The following ITPKB variants were observed in gnomAD, a reference collection of about 807,000 sequenced individuals.
The protein encoded by ITPKB is IP3 3-kinase B.
In ITPKB, 13 loss-of-function variants were observed where a neutral mutation model predicts 69.4. The ratio of observed to expected loss-of-function variants is 0.19; its 90% confidence interval spans 0.12 to 0.30. ITPKB has a LOEUF of 0.30. ITPKB is among the 10% of genes least tolerant of loss of function. The pLI is 1.00. For synonymous variants in ITPKB, 584 were observed against 513.7 expected, an observed-to-expected ratio of 1.14 and a Z score of -1.85; for missense variants, 1,240 against 1,250.5, an observed-to-expected ratio of 0.99 and a Z score of 0.13.
intron 2 of ITPKB, among the ~76,000 whole-genome samples, chr1:226,708,226 T>C (rs1656859342): frequency 6.6e-6 from 1 of 152,266 alleles, no homozygotes. Context: ...ATCATTCATT[T>C]AGTCGTGGTT....
chr1:226,634,249 CG>C lies in ITPKB; in HGVS notation c.*421del, dbSNP rs1558297629. ...CCTGGGCTCTCCGGTGGGGAGGCCC[CG>C]GCAGAAATAAGGCTGTGCTTGGCAG... On this transcript the variant is annotated 3_prime_UTR_variant, in exon 8 of 8. Transcript: ENST00000429204. The surrounding 1 kb of genome is among the most constrained non-coding windows in gnomAD (Gnocchi z 6.3). The C allele has an allele frequency of 1.3e-5, 2 of 158,772 alleles. No homozygotes were observed. The highest frequency in any genetic ancestry group is 4.8e-5 in the African/African-American group (2 of 41,584). The allele number at this position is 158,772 out of a possible 1,614,324, so 9.8% of individuals were successfully genotyped here. A position where few individuals can be genotyped will look rare whatever the true frequency, so the allele number is the denominator to read the frequency against.
chr1:226,667,588 C>A (rs1669527867), intron 2 of ITPKB, among the ~76,000 whole-genome samples: 1 of 152,106 alleles, frequency 6.6e-6, no homozygotes, highest in Non-Finnish European at 1.5e-5. Flanking sequence ...AGGCAGGTAA[C>A]CTGGGCTGGC....
intron 2 of ITPKB, among the ~76,000 whole-genome samples, chr1:226,670,536 T>A (rs1323681621): frequency 6.6e-6 from 1 of 152,230 alleles, no homozygotes; most frequent in East Asian, 1.9e-4. Flanking sequence ...GATGGATCGT[T>A]CAGTCCTTAA....
At chr1:226,723,884 C>T (rs1277869479) in intron 2 of ITPKB, among the ~76,000 whole-genome samples, 1 of 152,144 alleles carries the variant, frequency 6.6e-6, no homozygotes, top group Non-Finnish European at 1.5e-5. Context: ...GAGGCCTCTC[C>T]TGCAACTAAA....
Position 226,735,569 on chromosome 1 carries a change from G to C in ITPKB, c.1890C>G (p.Asn630Lys), listed in dbSNP as rs868481435. 6.4e-7 allele frequency: 1 copy of C among 1,560,500 alleles called. No individual in the cohort carries two copies. Among genetic ancestry groups the C allele is most frequent in the Non-Finnish European group, 8.7e-7 (1 of 1,153,278 alleles). Reference sequence around the variant, plus strand: ...GGTCCAGGGTATGCAGGAAGGCTGAGTTGGGGTCCAGGGTGCGCTCAGGGT... The same window carrying C: ...GGTCCAGGGTATGCAGGAAGGCTGACTTGGGGTCCAGGGTGCGCTCAGGGT... ...SSDPERTLDP[N>K]SAFLHTLDQQ... The change falls in exon 2 of 8, where the codon AAC becomes AAG. Residue 630 changes from asparagine (N) to lysine (K), a missense_variant. By Grantham distance (94) the Asn-to-Lys change is moderately conservative. Transcript: ENST00000429204.
At chr1:226,710,596 A>G (rs1656923384) in intron 2 of ITPKB, among the ~76,000 whole-genome samples, 1 of 152,242 alleles carries the variant, frequency 6.6e-6, no homozygotes, top group Non-Finnish European at 1.5e-5. Context: ...GGCCAGGAGC[A>G]GAGAGGTCCC....
intron 5 of ITPKB, 30 bp from the exon 6 acceptor site, chr1:226,639,688 G>T: frequency 7.0e-7 from 1 of 1,437,590 alleles, no homozygotes; most frequent in Non-Finnish European, 9.8e-7. Flanking sequence ...ACCCAGGAGG[G>T]GGTCAGCAGG....
chr1:226,651,225 T>C (rs886127163), intron 2 of ITPKB, among the ~76,000 whole-genome samples: 5 of 152,082 alleles, frequency 3.3e-5, no homozygotes, highest in African/African-American at 1.2e-4. Flanking sequence ...AGACCTGCTA[T>C]GGGCATGGGG....
intron 2 of ITPKB, among the ~76,000 whole-genome samples, chr1:226,682,929 C>T (rs187155130): frequency 6.6e-6 from 1 of 152,290 alleles, no homozygotes; most frequent in East Asian, 1.9e-4. Context: ...CCACGTTCTA[C>T]CTACCAAAGT....
At chr1:226,678,244 AT>A (rs1356052568) in intron 2 of ITPKB, among the ~76,000 whole-genome samples, 1 of 152,224 alleles carries the variant, frequency 6.6e-6, no homozygotes, top group Non-Finnish European at 1.5e-5. Context: ...ACCAAATAAC[AT>A]TTGGTTATTA....
intron 4 of ITPKB, among the ~76,000 whole-genome samples, chr1:226,644,286 T>G (rs929973972): frequency 6.6e-6 from 1 of 152,030 alleles, no homozygotes; most frequent in Non-Finnish European, 1.5e-5. Context: ...CTCCCCACAC[T>G]CCCCTGCCTG....
chr1:226,707,024 G>A (rs868667350), intron 2 of ITPKB, among the ~76,000 whole-genome samples: 1 of 152,098 alleles, frequency 6.6e-6, no homozygotes, highest in South Asian at 2.1e-4. Context: ...CATCACTAAG[G>A]GTGGTTGCAT....
intron 6 of ITPKB, among the ~76,000 whole-genome samples, chr1:226,638,541 G>A (rs573487180): frequency 3.3e-5 from 5 of 152,164 alleles, no homozygotes; most frequent in Non-Finnish European, 5.9e-5. Flanking sequence ...CTGTCCCAGG[G>A]AGCCGTGCAC....
chr1:226,701,692 C>T (rs1378544858), intron 2 of ITPKB, among the ~76,000 whole-genome samples: 2 of 151,184 alleles, frequency 1.3e-5, no homozygotes, highest in East Asian at 3.9e-4. Flanking sequence ...GCCATGGAGA[C>T]GCACACAGCA....
At chr1:226,649,848 A>AG (rs1056663567) in intron 2 of ITPKB, among the ~76,000 whole-genome samples, 1 of 144,718 alleles carries the variant, frequency 6.9e-6, no homozygotes, top group African/African-American at 2.6e-5. Context: ...AACAAAACAA[A>AG]AAAACAAAAA....
chr1:226,696,318 C>CGTGTGT (rs58448161), intron 2 of ITPKB, among the ~76,000 whole-genome samples: 80 of 149,902 alleles, frequency 5.3e-4, no homozygotes, highest in Middle Eastern at 3.5e-3. Context: ...TATAGATCTA[C>CGTGTGT]GTGTGTGTGT....
chr1:226,648,248 A>G (rs1669103282), intron 3 of ITPKB, among the ~76,000 whole-genome samples: 1 of 152,212 alleles, frequency 6.6e-6, no homozygotes, highest in Non-Finnish European at 1.5e-5. Flanking sequence ...CGCAACCCCC[A>G]GGACCATGGC....
At chr1:226,667,853 T>TGCGC (rs1406150880) in intron 2 of ITPKB, among the ~76,000 whole-genome samples, 11 of 141,746 alleles carry the variant, frequency 7.8e-5, no homozygotes, top group African/African-American at 2.9e-4. Flanking sequence ...TGTGTGTGTG[T>TGCGC]GCGCGCGCGC....
At chr1:226,652,888 G>C (rs1205115525) in intron 2 of ITPKB, among the ~76,000 whole-genome samples, 2 of 152,238 alleles carry the variant, frequency 1.3e-5, no homozygotes, top group Non-Finnish European at 2.9e-5. Context: ...CTCACACACA[G>C]ATGTGGGGTC....
Sources: gnomAD v4.1 joint callset for allele counts (sites outside exome capture counted in the v4.1 genomes callset) on GRCh38, gnomAD v4.1.1 for gene constraint, Gnocchi (gnomAD v3.1) non-coding constraint, MANE v1.5 for transcripts, NCBI Gene and HGNC (gene_info 2026-07-23, HGNC 2026-07-21) for gene names.